Variants in FAM186A observed in about 807,000 individuals in gnomAD.
The protein encoded by FAM186A is protein FAM186A.
FAM186A carries 163 observed loss-of-function variants against 216.8 expected under a neutral mutation model. The ratio of observed to expected loss-of-function variants is 0.75; its 90% CI spans 0.66 to 0.86. The LOEUF (loss-of-function observed/expected upper bound fraction) is 0.86. Among genes scored for constraint, FAM186A ranks in the 40% least tolerant of loss-of-function variants. FAM186A has a pLI of 0.00. For synonymous variants in FAM186A, 805 were observed against 1,025.3 expected (o/e 0.79, Z 4.10); for missense variants, 2,184 against 2,746.2 (o/e 0.80, Z 4.58).
chr12:50,374,212 T>C (rs1943176356), intron 1 of FAM186A, among the ~76,000 whole-genome samples: 1 of 149,194 alleles, frequency 6.7e-6, no homozygotes, highest in Non-Finnish European at 1.5e-5. Flanking sequence ...GATGACGAGT[T>C]AGTGGGTGCA....
chr12:50,370,984 A>C (rs994657976), intron 1 of FAM186A, among the ~76,000 whole-genome samples: 4 of 151,978 alleles, frequency 2.6e-5, no homozygotes, highest in African/African-American at 9.7e-5. Flanking sequence ...CTGTAATCCC[A>C]GCTACTTGGG....
intron 7 of FAM186A, 37 bp downstream of exon 7, chr12:50,330,536 G>A (rs1942646058): frequency 2.6e-6 from 4 of 1,534,516 alleles, no homozygotes; most frequent in Non-Finnish European, 3.5e-6. Context: ...TATGATCAAA[G>A]GCCCAATTAC....
At chr12:50,377,482 G>A (rs142725384) in intron 1 of FAM186A, among the ~76,000 whole-genome samples, 6 of 91,602 alleles carry the variant, frequency 6.6e-5, no homozygotes, top group Admixed American at 1.2e-4. Flanking sequence ...GAGAAAATAC[G>A]AACTTGGGTT....
rs1399706379 is a variant in FAM186A at position 50,350,913 on chromosome 12, A to G, written c.5919T>C (p.Ala1973=). ...KSKSVLIHPS[A]PDFKVAQVPF... The stretch of plus-strand genomic sequence containing the variant: ...GAACTTGAGCTACCTTGAAATCTGG[A>G]GCACTAGGATGGATCAATACTGATT... Residue 1973 remains alanine, a synonymous_variant, in exon 4 of 8, where the codon GCT becomes GCC. Coordinates refer to ENST00000327337, the MANE Select transcript of FAM186A (RefSeq NM_001145475.3). 1.5e-5 allele frequency: 24 copies of G among 1,551,526 alleles called. No homozygotes were observed. Among genetic ancestry groups the G allele is most frequent in the Non-Finnish European group, 2.1e-5 (24 of 1,146,984 alleles).
chr12:50,379,356 C>G (rs928140486), intron 1 of FAM186A, among the ~76,000 whole-genome samples: 8 of 149,946 alleles, frequency 5.3e-5, no homozygotes, highest in Non-Finnish European at 1.2e-4. Flanking sequence ...AGGAGAATGG[C>G]ATGAACCCAG....
Position 50,351,312 on chromosome 12 carries a change from A to C in FAM186A, c.5520T>G (p.Ala1840=). 3.9e-6 allele frequency: 6 copies of C among 1,527,130 alleles called. No homozygotes were observed. The highest frequency in any genetic ancestry group is 5.3e-6 in the Non-Finnish European group (6 of 1,136,964). The allele number at this position is 1,527,130 out of a possible 1,614,324, so 94.6% of individuals were successfully genotyped here. A position where few individuals can be genotyped will look rare whatever the true frequency, so the allele number is the denominator to read the frequency against. Residue 1840 remains alanine (A), a synonymous_variant, in exon 4 of 8, where the codon GCT becomes GCG. Transcript: ENST00000327337. ...APPTPGQPFI[A]GVPPTSGQIP... is the part of the protein sequence containing the mutation. ...TCTGTCCAGAAGTGGGTGGAACTCC[A>C]GCTATAAAGGGCTGCCCTGGAGTGG...
intron 4 of FAM186A, among the ~76,000 whole-genome samples, chr12:50,340,416 T>A (rs4768900): frequency 0.65 from 98,026 of 151,840 alleles, 32,131 homozygotes; most frequent in East Asian, 0.74. Flanking sequence ...GGATATTTTT[T>A]AAATGTTGAT....
rs541411143 is a variant in FAM186A, at chr12:50,371,298, T to C, written c.193-7934A>G. ...ATGCCCAGCTAATTTTTGTATTTTT[T>C]AGTAGAGACGGGGTTTCACCATCTT... On this transcript the variant is annotated intron_variant, in intron 1 of 7. Transcript: ENST00000327337. 2.0e-5 allele frequency among the ~76,000 whole-genome samples: 3 copies of C among 152,004 alleles called. No homozygotes were observed. The South Asian group carries it at 6.2e-4, about 32-fold the overall frequency.
chr12:50,363,137 A>G lies in FAM186A; in HGVS notation c.412+8T>C. ...TGGTTTTCCTCTGAACCGCTTCTGTAAACTTACTCCATTCTTCCAACCAGG... is the reference window on the plus strand; with the variant it reads ...TGGTTTTCCTCTGAACCGCTTCTGTGAACTTACTCCATTCTTCCAACCAGG... On this transcript the variant is annotated splice_region_variant and intron_variant, in intron 2 of 7. Coordinates refer to ENST00000327337, the MANE Select transcript of FAM186A (RefSeq NM_001145475.3). 1 of 1,537,580 alleles carries G rather than the reference A, an allele frequency of 6.5e-7. No homozygotes were observed. The highest frequency in any genetic ancestry group is 8.8e-7 in the Non-Finnish European group (1 of 1,140,226).
chr12:50,361,036 AG>A, intron 2 of FAM186A, 110 bp from the exon 3 acceptor site: 2 of 755,462 alleles, frequency 2.6e-6, no homozygotes, highest in Non-Finnish European at 3.9e-6. Flanking sequence ...TGGGGAATAT[AG>A]GTATCTCACA....
chr12:50,388,344 C>T (rs760464778), intron 1 of FAM186A, among the ~76,000 whole-genome samples: 11 of 152,162 alleles, frequency 7.2e-5, no homozygotes, highest in African/African-American at 9.7e-5. Context: ...GCCAGGCGGG[C>T]GCAGTGGCTC....
chr12:50,363,377 G>A lies in FAM186A; in HGVS notation c.193-13C>T. 6.5e-7 allele frequency: 1 copy of A among 1,540,356 alleles called. No homozygotes were observed. ...GCATATCAATGTCCTGTCAGAATAA[G>A]AAGGGGGCATGTATTAATCTTCAGT... On this transcript the variant is annotated splice_polypyrimidine_tract_variant and intron_variant, in intron 1 of 7. Transcript: ENST00000327337.
chr12:50,345,781 T>C (rs372168574), intron 4 of FAM186A, among the ~76,000 whole-genome samples: 65 of 152,272 alleles, frequency 4.3e-4, no homozygotes, highest in African/African-American at 1.6e-3. Context: ...TTGGATAATG[T>C]AATATGCCTC....
intron 3 of FAM186A, among the ~76,000 whole-genome samples, chr12:50,358,933 A>AAG (rs1466990044): frequency 1.3e-5 from 2 of 151,390 alleles, no homozygotes; most frequent in South Asian, 2.1e-4. Context: ...AAAAAAAAAA[A>AAG]AAAAGTTAAA....
chr12:50,384,313 T>C (rs1943282280), intron 1 of FAM186A, among the ~76,000 whole-genome samples: 2 of 151,976 alleles, frequency 1.3e-5, no homozygotes, highest in Admixed American at 6.6e-5. Context: ...TAGTCCTAGA[T>C]GGTCGGCAAG....
chr12:50,379,968 A>T (rs76925918), intron 1 of FAM186A, among the ~76,000 whole-genome samples: 2 of 856 alleles, frequency 2.3e-3, no homozygotes, highest in African/African-American at 2.6e-3. Flanking sequence ...AAAGGTGGAA[A>T]GAAAGAAGGA....
chr12:50,368,626 ATCCCAATGGCTTTTTTTTC>A (rs1185869252), intron 1 of FAM186A, among the ~76,000 whole-genome samples: 1 of 152,084 alleles, frequency 6.6e-6, no homozygotes, highest in East Asian at 1.9e-4. Context: ...CCCTATCAAA[ATCCCAATGGCTTTTTTTTC>A]TTTTGCAGCA....
chr12:50,346,215 G>GAAGGAAAGAAAGAAAGAAAGAAAGAA (rs1942811611), intron 4 of FAM186A, among the ~76,000 whole-genome samples: 9 of 18,770 alleles, frequency 4.8e-4, no homozygotes, highest in Non-Finnish European at 9.0e-4. Flanking sequence ...GAGAGAGAGA[G>GAAGGAAAGAAAGAAAGAAAGAAAGAA]AGAAGGAAAG....
At chr12:50,337,629 G>C (rs893373932) in intron 4 of FAM186A, among the ~76,000 whole-genome samples, 1 of 151,570 alleles carries the variant, frequency 6.6e-6, no homozygotes, top group South Asian at 2.1e-4. Context: ...CGGGCGCGGC[G>C]GCTCACGCCT....
Sources: gnomAD v4.1 joint callset for allele counts (sites outside exome capture counted in the v4.1 genomes callset) on GRCh38, gnomAD v4.1.1 for gene constraint, MANE v1.5 for transcripts, NCBI Gene and HGNC (gene_info 2026-07-23, HGNC 2026-07-21) for gene names.